C1orf167: variants seen among roughly 807,000 people sequenced by gnomAD.
C1orf167 encodes the protein chromosome 1 open reading frame 167, also known as uncharacterized protein C1orf167.
A neutral mutation model predicts 176.5 loss-of-function variants in C1orf167; 153 were observed. That is an observed-to-expected ratio of 0.87 (90% CI 0.76 to 0.99). The LOEUF is 0.99. C1orf167 is among the 50% of genes least tolerant of loss of function. C1orf167 has a pLI of 0.00. For synonymous variants in C1orf167, 594 were observed against 752.7 expected (o/e 0.79, Z 3.45); for missense variants, 1,490 against 1,817.7 (o/e 0.82, Z 3.28).
In C1orf167 at chr1:11,788,055, G is replaced by A; in HGVS notation, c.3848+8G>A. 7.7e-7 allele frequency: 1 copy of A among 1,291,810 alleles called. No individual in the cohort carries two copies. Among genetic ancestry groups the A allele is most frequent in the African/African-American group, 1.5e-5 (1 of 65,792 alleles). 80.0% of individuals were successfully genotyped at this position (1,291,810 alleles called of 1,614,324 possible). On this transcript the variant is annotated splice_region_variant and intron_variant, in intron 18 of 20. Transcript: ENST00000688073. ...CCATAAACGGAGGCTACGGTAAGAG[G>A]AGCTGTGTGTGCAGTTTGGTGGGTC...
At position 11,768,015 on chromosome 1, in the gene C1orf167, C is replaced by A; in HGVS notation, c.1344-62C>A. 2.5e-6 allele frequency: 3 copies of A among 1,189,172 alleles called. No individual in the cohort carries two copies. Among genetic ancestry groups the A allele is most frequent in the Non-Finnish European group, 3.2e-6 (3 of 928,628 alleles). 73.7% of individuals were successfully genotyped at this position (1,189,172 alleles called of 1,614,324 possible). Reference sequence around the variant, plus strand: ...AGGCATCTCAGAGGGTATCCAGCCACTGGGCTGTCCCTGGGGATAGGAGGG... The same window carrying A: ...AGGCATCTCAGAGGGTATCCAGCCAATGGGCTGTCCCTGGGGATAGGAGGG... On this transcript the variant is annotated intron_variant, in intron 4 of 20. Coordinates refer to ENST00000688073, the MANE Select transcript of C1orf167 (RefSeq NM_001010881.2). The surrounding 1 kb of genome is among the most constrained non-coding windows in gnomAD (Gnocchi z 4.5).
chr1:11,776,128 A>G (rs992287701), intron 9 of C1orf167, among the ~76,000 whole-genome samples: 1 of 152,216 alleles, frequency 6.6e-6, no homozygotes, highest in African/African-American at 2.4e-5. Context: ...GTGGTGGCGC[A>G]TGCCTGTAAT....
chr1:11,765,637 T>C (rs1160135563), intron 2 of C1orf167, among the ~76,000 whole-genome samples: 1 of 152,156 alleles, frequency 6.6e-6, no homozygotes, highest in Non-Finnish European at 1.5e-5. Context: ...AATATCTCTC[T>C]GCTTCCCTCT....
In C1orf167 at chr1:11,789,488, C is replaced by T. The variant is rs1421837606; in HGVS notation, c.*42C>T. The T allele has an allele frequency of 4.6e-6, 6 of 1,291,038 alleles. No individual in the cohort carries two copies. The highest frequency in any genetic ancestry group is 2.4e-5 in the Admixed American group (1 of 42,112). 80.0% of individuals were successfully genotyped at this position (1,291,038 alleles called of 1,614,324 possible). On this transcript the variant is annotated 3_prime_UTR_variant, in exon 21 of 21. Transcript: ENST00000688073. ...AAAAAACAGAACTGAACTTAGCCTT[C>T]CCAGGGAAGGAACCATGCCCCACAC...
Position 11,776,461 on chromosome 1 carries a change from C to T in C1orf167, c.2165-3C>T, listed in dbSNP as rs1643320435. On this transcript the variant is annotated splice_polypyrimidine_tract_variant and splice_region_variant and intron_variant, in intron 9 of 20. Coordinates refer to ENST00000688073, the MANE Select transcript of C1orf167 (RefSeq NM_001010881.2). Reference sequence around the variant, plus strand: ...GCTGACTGGACTCTTGACGGTTTCTCAGGACGTGAGGCTGTCTACACCGCA... The same window carrying T: ...GCTGACTGGACTCTTGACGGTTTCTTAGGACGTGAGGCTGTCTACACCGCA... The T allele has an allele frequency of 4.6e-6, 6 of 1,300,672 alleles. No individual in the cohort carries two copies. The highest frequency in any genetic ancestry group is 3.0e-5 in the African/African-American group (2 of 65,792). The allele number at this position is 1,300,672 out of a possible 1,614,324, so 80.6% of individuals were successfully genotyped here.
At chr1:11,770,091 G>A (rs1252220392) in intron 6 of C1orf167, among the ~76,000 whole-genome samples, 1 of 151,896 alleles carries the variant, frequency 6.6e-6, no homozygotes, top group Non-Finnish European at 1.5e-5. Flanking sequence ...CTCCCTGGAA[G>A]TATTTTTATG....
intron 6 of C1orf167, among the ~76,000 whole-genome samples, chr1:11,770,610 AT>A (rs113478214): frequency 0.047 from 6,368 of 134,698 alleles, 387 homozygotes; most frequent in African/African-American, 0.14. Context: ...CGCCTGGCTG[AT>A]TTTTTTTTTT....
At chr1:11,771,961 C>T (rs1643100964) in intron 7 of C1orf167, 121 bp from the exon 8 acceptor site, 1 of 720,354 alleles carries the variant, frequency 1.4e-6, no homozygotes. Flanking sequence ...AGCTAGACTT[C>T]ACTTACTCAG....
Position 11,779,915 on chromosome 1 carries a change from G to A in C1orf167, c.2765G>A (p.Arg922Gln), listed in dbSNP as rs41275462. ...GCTGTGCTGGGCCTGTGGCGTCAGC[G>A]GCTGCTGCAGTCACGGCTGGTGGAG... ...CRAVLGLWRQ[R>Q]LLQSRLVEWW... Residue 922 changes from arginine (R) to glutamine (Q), a missense_variant, in exon 13 of 21, where the codon CGG becomes CAG. Arg to Gln is a conservative substitution (Grantham distance 43, BLOSUM62 1). Transcript: ENST00000688073. 209,434 of 1,302,234 alleles carry A rather than the reference G, an allele frequency of 0.16. 17,986 individuals are homozygous for A. Among genetic ancestry groups the A allele is most frequent in the South Asian group, 0.25 (20,515 of 80,898 alleles). 80.7% of individuals were successfully genotyped at this position (1,302,234 alleles called of 1,614,324 possible). A position where few individuals can be genotyped will look rare whatever the true frequency, so the allele number is the denominator to read the frequency against.
At chr1:11,781,088 C>T (rs191912292) in intron 13 of C1orf167, among the ~76,000 whole-genome samples, 4 of 151,356 alleles carry the variant, frequency 2.6e-5, no homozygotes, top group East Asian at 1.9e-4. Context: ...ACCTCCACCC[C>T]CTGGGTTCAA....
chr1:11,782,385 G>A lies in C1orf167; in HGVS notation c.3005+52G>A, dbSNP rs1305641684. 20 of 1,169,110 alleles carry A rather than the reference G, an allele frequency of 1.7e-5. No individual in the cohort carries two copies. The Middle Eastern group carries it at 1.2e-3, about 70-fold the overall frequency. 72.4% of individuals were successfully genotyped at this position (1,169,110 alleles called of 1,614,324 possible). ...GTTGGTCCTCCCCACGCAAGGAATA[G>A]CAAGGAGAGCACCCAGGGGGTGGGA... On this transcript the variant is annotated intron_variant, in intron 14 of 20. Coordinates refer to ENST00000688073, the MANE Select transcript of C1orf167 (RefSeq NM_001010881.2).
chr1:11,784,158 T>C lies in C1orf167; in HGVS notation c.3006-16T>C. On this transcript the variant is annotated splice_polypyrimidine_tract_variant and intron_variant, in intron 14 of 20. Transcript: ENST00000688073. ...GCATGAGCCACCACACCTGGCCCAA[T>C]GTGTCTGTTTTGCAGCTACTTCCAG... 1 of 1,216,692 alleles carries C rather than the reference T, an allele frequency of 8.2e-7. No homozygotes were observed. Among genetic ancestry groups the C allele is most frequent in the South Asian group, 1.5e-5 (1 of 66,392 alleles). The allele number at this position is 1,216,692 out of a possible 1,614,324, so 75.4% of individuals were successfully genotyped here.
Position 11,775,449 on chromosome 1 carries a change from G to C in C1orf167, c.2003G>C (p.Trp668Ser). The C allele has an allele frequency of 7.7e-7, 1 of 1,301,392 alleles. No individual in the cohort carries two copies. The highest frequency in any genetic ancestry group is 5.6e-5 in the East Asian group (1 of 18,006). 80.6% of individuals were successfully genotyped at this position (1,301,392 alleles called of 1,614,324 possible). A position where few individuals can be genotyped will look rare whatever the true frequency, so the allele number is the denominator to read the frequency against. Residue 668 changes from tryptophan (W) to serine (S), a missense_variant, in exon 9 of 21, where the codon TGG (tryptophan) becomes TCG (serine). Transcript: ENST00000688073. ...TGTTCTCCCAGGTGCTTCGGGGCGT[G>C]GCAGCAGTTCGTGCAAAGAGGGTCC... ...RAWLCRCFGA[W>S]QQFVQRGSRY...
In C1orf167 at chr1:11,766,788, G is replaced by A. The variant is rs897930278; in HGVS notation, c.1002G>A (p.Arg334=). ...LMSPETTLGT[R]TKDSLNPEQG... is the part of the protein sequence containing the mutation. ...CACCTGAGACCACTTTGGGGACACGGACCAAGGATTCCCTTAATCCTGAGC... is the reference window on the plus strand; with the variant it reads ...CACCTGAGACCACTTTGGGGACACGAACCAAGGATTCCCTTAATCCTGAGC... The change falls in exon 3 of 21, where the codon CGG becomes CGA. Residue 334 remains arginine, a synonymous_variant. Coordinates refer to ENST00000688073, the MANE Select transcript of C1orf167 (RefSeq NM_001010881.2). This position sits in a 1 kb window ranked among gnomAD's most constrained non-coding sequence, Gnocchi z 4.5. The A allele has an allele frequency of 7.8e-7, 1 of 1,289,606 alleles. No individual in the cohort carries two copies. The highest frequency in any genetic ancestry group is 1.0e-6 in the Non-Finnish European group (1 of 988,848). The allele number at this position is 1,289,606 out of a possible 1,614,324, so 79.9% of individuals were successfully genotyped here.
At chr1:11,788,496 G>C (rs1643969719) in intron 19 of C1orf167, 118 bp downstream of exon 19, 1 of 1,135,400 alleles carries the variant, frequency 8.8e-7, no homozygotes, top group African/African-American at 1.6e-5. Context: ...TGGGGGACAG[G>C]CCCAGGAATC....
At position 11,768,239 on chromosome 1, in the gene C1orf167, G is replaced by C. The variant is rs1184335142; in HGVS notation, c.1506G>C (p.Gln502His). 1.6e-6 allele frequency: 2 copies of C among 1,289,812 alleles called. No individual in the cohort carries two copies. The highest frequency in any genetic ancestry group is 2.0e-6 in the Non-Finnish European group (2 of 988,862). The allele number at this position is 1,289,812 out of a possible 1,614,324, so 79.9% of individuals were successfully genotyped here. A position where few individuals can be genotyped will look rare whatever the true frequency, so the allele number is the denominator to read the frequency against. ...CTCAGCTGGAGGCAGCATGGGGGCA[G>C]TACACAAAGGTTCTGCTGGTCCGGA... is the stretch of plus-strand genomic sequence containing the variant. ...REAQLEAAWGQYTKVLLVRSF... is the reference protein window; with the variant it reads ...REAQLEAAWGHYTKVLLVRSF... Residue 502 changes from glutamine to histidine, a missense_variant, in exon 5 of 21, where the codon CAG (glutamine) becomes CAC (histidine). Physicochemically the swap from Gln to His is conservative, Grantham distance 24. Coordinates refer to ENST00000688073, the MANE Select transcript of C1orf167 (RefSeq NM_001010881.2). The surrounding 1 kb of genome is among the most constrained non-coding windows in gnomAD (Gnocchi z 4.5).
At position 11,784,404 on chromosome 1, in the gene C1orf167, CCCGGGCCCCACAGGCCTT is replaced by C; in HGVS notation, c.3239_3256del (p.Arg1080_Phe1085del). 1 of 1,303,890 alleles carries C rather than the reference CCCGGGCCCCACAGGCCTT, an allele frequency of 7.7e-7. No homozygotes were observed. Among genetic ancestry groups the C allele is most frequent in the Non-Finnish European group, 1.0e-6 (1 of 988,860 alleles). 80.8% of individuals were successfully genotyped at this position (1,303,890 alleles called of 1,614,324 possible). ...CAGGAAGATGGGCAGCAGAAGAAGGCCCGGGCCCCACAGGCCTTCCCAGCATGGCCAGTGGCCCCGGGC... is the reference window on the plus strand; with the variant it reads ...CAGGAAGATGGGCAGCAGAAGAAGGCCCCAGCATGGCCAGTGGCCCCGGGC... On this transcript the variant is annotated inframe_deletion, in exon 15 of 21. Transcript: ENST00000688073.
intron 16 of C1orf167, 94 bp downstream of exon 16, chr1:11,785,383 GT>G: frequency 8.6e-7 from 1 of 1,161,362 alleles, no homozygotes; most frequent in Non-Finnish European, 1.1e-6. Context: ...TTGGAAACAG[GT>G]GAAGGGAGCC....
At chr1:11,770,123 A>T (rs12131667) in intron 6 of C1orf167, among the ~76,000 whole-genome samples, 17,999 of 147,958 alleles carry the variant, frequency 0.12, 1,240 homozygotes, top group South Asian at 0.19. Context: ...AGCATTTTTT[A>T]AAAAAAAGGG....
Sources: allele counts gnomAD v4.1 joint callset (sites outside exome capture counted in the v4.1 genomes callset), GRCh38; gene constraint gnomAD v4.1.1; non-coding constraint Gnocchi (gnomAD v3.1); transcripts MANE v1.5; gene names NCBI Gene and HGNC (gene_info 2026-07-23, HGNC 2026-07-21).